The following PCDH9 variants were observed in gnomAD, a reference collection of about 807,000 sequenced individuals.
PCDH9 encodes protocadherin-9.
In PCDH9, 24 loss-of-function variants were observed where a neutral mutation model predicts 70.6. That is an observed-to-expected ratio of 0.34 (90% confidence interval 0.25 to 0.48). The LOEUF is 0.48. PCDH9 is among the 20% of genes least tolerant of loss of function. The pLI, the probability that PCDH9 is intolerant of heterozygous loss-of-function variation, is 0.99. For synonymous variants in PCDH9, 562 were observed against 558.5 expected (o/e 1.01, Z -0.09); for missense variants, 1,281 against 1,503.6 (o/e 0.85, Z 2.45).
intron 4 of PCDH9, among the ~76,000 whole-genome samples, chr13:66,453,385 C>T (rs1438091388): frequency 2.6e-5 from 4 of 152,168 alleles, no homozygotes; most frequent in Admixed American, 2.6e-4. Flanking sequence ...ATTCTTCCTA[C>T]TAGAGGTCAA....
At chr13:67,217,966 T>C (rs2089645367) in intron 2 of PCDH9, 3 of 152,068 alleles carry the variant, frequency 2.0e-5, no homozygotes, top group Admixed American at 1.3e-4. Context: ...TTCAGTCACA[T>C]CCAGTGTTTC....
chr13:66,914,993 TG>T (rs2082534370), intron 2 of PCDH9: 1 of 151,738 alleles, frequency 6.6e-6, no homozygotes, highest in South Asian at 2.1e-4. Flanking sequence ...ACCGTATTTT[TG>T]TTTTAAAATG....
chr13:67,148,582 A>C (rs2087580655), intron 2 of PCDH9, among the ~76,000 whole-genome samples: 1 of 152,176 alleles, frequency 6.6e-6, no homozygotes, highest in African/African-American at 2.4e-5. Context: ...TCTTTTTTTT[A>C]ATTACCACTT....
intron 4 of PCDH9, among the ~76,000 whole-genome samples, chr13:66,529,313 A>T (rs1321477574): frequency 6.6e-6 from 1 of 152,092 alleles, no homozygotes; most frequent in Non-Finnish European, 1.5e-5. Context: ...ACTTAGGGGA[A>T]TTGCAAAACT....
At chr13:67,150,129 G>A (rs1006821679) in intron 2 of PCDH9, among the ~76,000 whole-genome samples, 1 of 152,112 alleles carries the variant, frequency 6.6e-6, no homozygotes, top group Non-Finnish European at 1.5e-5. Context: ...TGCCTCCCAG[G>A]TTCAAGTGAT....
chr13:66,694,929 AG>A (rs1408272591), intron 3 of PCDH9, among the ~76,000 whole-genome samples: 3 of 149,516 alleles, frequency 2.0e-5, no homozygotes, highest in African/African-American at 7.4e-5. Flanking sequence ...TTTGAGACAG[AG>A]TCTTGCTCTG....
intron 3 of PCDH9, among the ~76,000 whole-genome samples, chr13:66,824,906 T>G (rs895202325): frequency 3.3e-5 from 5 of 151,670 alleles, no homozygotes; most frequent in African/African-American, 1.2e-4. Flanking sequence ...AGGAGAGATT[T>G]TGTAGCTGTT....
chr13:66,408,259 C>T (rs567601709), intron 4 of PCDH9, among the ~76,000 whole-genome samples: 1 of 152,006 alleles, frequency 6.6e-6, no homozygotes, highest in Admixed American at 6.6e-5. Flanking sequence ...GGGGTTTCAC[C>T]TTGTTAGCCA....
At chr13:66,509,601 A>G (rs974476518) in intron 4 of PCDH9, among the ~76,000 whole-genome samples, 1 of 151,962 alleles carries the variant, frequency 6.6e-6, no homozygotes, top group African/African-American at 2.4e-5. Context: ...CTCTATTGCA[A>G]TAGTCTTTTC....
chr13:66,872,956 T>C (rs867182962), intron 3 of PCDH9, among the ~76,000 whole-genome samples: 1 of 152,174 alleles, frequency 6.6e-6, no homozygotes, highest in Non-Finnish European at 1.5e-5. Context: ...CATTTATCTA[T>C]GAATGATGAT....
intron 3 of PCDH9, among the ~76,000 whole-genome samples, chr13:66,691,598 C>G (rs2078487152): frequency 6.6e-6 from 1 of 151,990 alleles, no homozygotes; most frequent in Non-Finnish European, 1.5e-5. Context: ...AACATAGATG[C>G]CTTTGCCTCT....
intron 2 of PCDH9, among the ~76,000 whole-genome samples, chr13:67,040,839 TTTGA>T (rs71730798): frequency 0.095 from 14,468 of 152,180 alleles, 758 homozygotes; most frequent in Non-Finnish European, 0.12. Flanking sequence ...CAAATTGCAG[TTTGA>T]TTAAGTATTA....
intron 2 of PCDH9, among the ~76,000 whole-genome samples, chr13:67,143,045 A>G (rs2087435947): frequency 6.6e-6 from 1 of 151,990 alleles, no homozygotes; most frequent in South Asian, 2.1e-4. Context: ...GAAAGAAAGA[A>G]AAAACAAAAA....
intron 4 of PCDH9, among the ~76,000 whole-genome samples, chr13:66,605,627 A>G (rs1039710988): frequency 1.3e-5 from 2 of 152,198 alleles, no homozygotes; most frequent in African/African-American, 4.8e-5. Context: ...AAGTGTCCAC[A>G]TGACAGACTA....
At chr13:66,916,497 A>G (rs921137799) in intron 2 of PCDH9, among the ~76,000 whole-genome samples, 2 of 151,538 alleles carry the variant, frequency 1.3e-5, no homozygotes, top group Non-Finnish European at 3.0e-5. Flanking sequence ...AATCTGTGAG[A>G]TCAAAAGGGC....
rs1340822210 is a variant in PCDH9, at chr13:66,960,357, T to G, written c.3037-56752A>C. On this transcript the variant is annotated intron_variant, in intron 2 of 4. Transcript: ENST00000377865. The stretch of plus-strand genomic sequence containing the variant: ...TCATTGGACACTATGTGAATCAGAG[T>G]GCTTTGCTGACTACCATATAAGTTA... Among the ~76,000 whole-genome samples, 4 of 152,270 alleles carry G rather than the reference T, an allele frequency of 2.6e-5. No homozygotes were observed. The East Asian group carries it at 7.7e-4, about 29-fold the overall frequency.
intron 3 of PCDH9, among the ~76,000 whole-genome samples, chr13:66,812,948 G>A (rs114577479): frequency 0.015 from 2,266 of 152,192 alleles, 70 homozygotes; most frequent in African/African-American, 0.051. Context: ...TTTCAGGCTC[G>A]TCATTCTGTA....
chr13:66,793,699 A>G (rs1049117430), intron 3 of PCDH9, among the ~76,000 whole-genome samples: 2 of 152,220 alleles, frequency 1.3e-5, no homozygotes, highest in Non-Finnish European at 2.9e-5. Context: ...AAAAAAGAGT[A>G]TAAGGCATTG....
At chr13:66,474,410 G>A (rs898129765) in intron 4 of PCDH9, among the ~76,000 whole-genome samples, 6 of 152,060 alleles carry the variant, frequency 3.9e-5, no homozygotes. Context: ...CTGAAGCAGG[G>A]TACAATAGAT....
Sources: allele counts gnomAD v4.1 joint callset (sites outside exome capture counted in the v4.1 genomes callset), GRCh38; gene constraint gnomAD v4.1.1; transcripts MANE v1.5; gene names NCBI Gene and HGNC (gene_info 2026-07-23, HGNC 2026-07-21).